The following EPHA3 variants were observed in gnomAD, a reference collection of about 807,000 sequenced individuals.
EPHA3 encodes EPH receptor A3.
EPHA3 carries 42 observed loss-of-function variants against 107.1 expected under a neutral mutation model. The ratio of observed to expected loss-of-function variants is 0.39; its 90% CI spans 0.31 to 0.51. EPHA3 has a LOEUF of 0.51. EPHA3 is among the 20% of genes least tolerant of loss of function. The probability of loss-of-function intolerance (pLI) is 0.78; values close to 1 mark genes in which losing one functional copy is unlikely to be tolerated. For synonymous variants in EPHA3, 461 were observed against 424.8 expected (o/e 1.09, Z -1.05); for missense variants, 1,183 against 1,211.2 (o/e 0.98, Z 0.35).
At chr3:89,415,828 A>G (rs1281654247) in intron 10 of EPHA3, among the ~76,000 whole-genome samples, 1 of 151,452 alleles carries the variant, frequency 6.6e-6, no homozygotes, top group Non-Finnish European at 1.5e-5. Flanking sequence ...TATTATCTCC[A>G]TTTCAGCACG....
At chr3:89,399,897 T>C in intron 7 of EPHA3, 1 of 1,063,538 alleles carries the variant, frequency 9.4e-7, no homozygotes, top group Non-Finnish European at 1.1e-6. Context: ...CCTTAACACA[T>C]TCAATAGCAT....
At chr3:89,314,754 T>G (rs1362334343) in intron 3 of EPHA3, among the ~76,000 whole-genome samples, 1 of 151,986 alleles carries the variant, frequency 6.6e-6, no homozygotes, top group Admixed American at 6.6e-5. Context: ...TGTTACATCA[T>G]GACATCATTT....
At chr3:89,238,114 G>A (rs1323490610) in intron 3 of EPHA3, among the ~76,000 whole-genome samples, 1 of 152,266 alleles carries the variant, frequency 6.6e-6, no homozygotes, top group Admixed American at 6.5e-5. Context: ...TTAGAGAACA[G>A]CAATGATAAC....
chr3:89,329,495 TACGC>T, intron 3 of EPHA3, among the ~76,000 whole-genome samples: 1 of 152,116 alleles, frequency 6.6e-6, no homozygotes, highest in Non-Finnish European at 1.5e-5. Context: ...ATATTTCCAA[TACGC>T]TATTTTCTCA....
At chr3:89,447,308 C>T (rs971202125) in intron 13 of EPHA3, among the ~76,000 whole-genome samples, 9 of 152,246 alleles carry the variant, frequency 5.9e-5, no homozygotes, top group East Asian at 5.8e-4. Context: ...AGGAAGGTTG[C>T]GCTCACTGTG....
chr3:89,183,458 A>G (rs769370275), intron 2 of EPHA3, among the ~76,000 whole-genome samples: 1 of 151,798 alleles, frequency 6.6e-6, no homozygotes, highest in Non-Finnish European at 1.5e-5. Flanking sequence ...AAGATATGTC[A>G]ATATTATCCT....
At chr3:89,449,086 T>C (rs1003542983) in intron 13 of EPHA3, 139 bp from the exon 14 acceptor site, 1 of 738,008 alleles carries the variant, frequency 1.4e-6, no homozygotes, top group Non-Finnish European at 1.9e-6. Flanking sequence ...TAGAATAACA[T>C]CAAAATGTTT....
In EPHA3 at chr3:89,316,477, ATGTGTG is replaced by A. The variant is rs59376338; in HGVS notation, c.815-24417_815-24412del. On this transcript the variant is annotated intron_variant, in intron 3 of 16. Coordinates refer to ENST00000336596, the MANE Select transcript of EPHA3 (RefSeq NM_005233.6). ...CTTTCAGAGTATACACTGTATATAT[ATGTGTG>A]TGTGTGTGTGTGTGTGTGTGTAATA... is the stretch of plus-strand genomic sequence containing the variant. Among the ~76,000 whole-genome samples the A allele has an allele frequency of 3.2e-4, 42 of 130,762 alleles. No homozygotes were observed. In the East Asian group the frequency reaches 5.1e-3, roughly 16 times the overall value. The allele number at this position is 130,762 out of a possible 152,430, so 85.8% of individuals were successfully genotyped here. A position where few individuals can be genotyped will look rare whatever the true frequency, so the allele number is the denominator to read the frequency against.
At chr3:89,433,130 G>A (rs1255356855) in intron 13 of EPHA3, among the ~76,000 whole-genome samples, 1 of 152,072 alleles carries the variant, frequency 6.6e-6, no homozygotes, top group Non-Finnish European at 1.5e-5. Flanking sequence ...ACAAGTATGT[G>A]AGAATTTTTG....
chr3:89,253,061 A>T (rs1343375957), intron 3 of EPHA3, among the ~76,000 whole-genome samples: 1 of 151,930 alleles, frequency 6.6e-6, no homozygotes, highest in Non-Finnish European at 1.5e-5. Flanking sequence ...AGATTTATGC[A>T]TTGACAAGTG....
chr3:89,122,016 G>A (rs1281689052), intron 1 of EPHA3, among the ~76,000 whole-genome samples: 1 of 152,110 alleles, frequency 6.6e-6, no homozygotes, highest in African/African-American at 2.4e-5. Context: ...TTTGACCGGA[G>A]AACTACACAG....
At chr3:89,124,908 C>A (rs984780535) in intron 1 of EPHA3, among the ~76,000 whole-genome samples, 2 of 151,814 alleles carry the variant, frequency 1.3e-5, no homozygotes, top group African/African-American at 4.8e-5. Flanking sequence ...TATGGTCTAA[C>A]CTATTTTGGT....
chr3:89,133,796 G>A, intron 2 of EPHA3, among the ~76,000 whole-genome samples: 1 of 151,980 alleles, frequency 6.6e-6, no homozygotes, highest in East Asian at 1.9e-4. Flanking sequence ...GGCTTCACCG[G>A]GCTTCAGAAA....
chr3:89,409,822 C>T (rs1709124073), intron 9 of EPHA3, among the ~76,000 whole-genome samples: 1 of 152,042 alleles, frequency 6.6e-6, no homozygotes, highest in South Asian at 2.1e-4. Flanking sequence ...ATGTGTTTCA[C>T]CTCCTAAGAT....
chr3:89,395,745 C>T, intron 5 of EPHA3, 92 bp from the exon 6 acceptor site: 1 of 1,446,808 alleles, frequency 6.9e-7, no homozygotes, highest in East Asian at 2.3e-5. Context: ...ACTCCATTTG[C>T]ATGTTCCCTT....
intron 5 of EPHA3, among the ~76,000 whole-genome samples, chr3:89,345,267 G>A (rs1330983188): frequency 6.6e-6 from 1 of 151,066 alleles, no homozygotes. Flanking sequence ...TTTACTACTT[G>A]GATGAACTGA....
At chr3:89,309,462 G>A (rs903641902) in intron 3 of EPHA3, among the ~76,000 whole-genome samples, 1 of 151,924 alleles carries the variant, frequency 6.6e-6, no homozygotes, top group Non-Finnish European at 1.5e-5. Flanking sequence ...TATGGGAGAG[G>A]GAAGGAATAA....
At chr3:89,231,448 AT>A (rs1435645772) in intron 3 of EPHA3, among the ~76,000 whole-genome samples, 1 of 152,178 alleles carries the variant, frequency 6.6e-6, no homozygotes, top group Non-Finnish European at 1.5e-5. Context: ...AGAGAAAGCA[AT>A]TTGTTTGCTA....
chr3:89,248,202 T>C (rs1452460970), intron 3 of EPHA3, among the ~76,000 whole-genome samples: 4 of 152,306 alleles, frequency 2.6e-5, no homozygotes, highest in Admixed American at 2.6e-4. Context: ...CCCATTTTTC[T>C]TTCTGGCACT....
Sources: gnomAD v4.1 joint callset for allele counts (sites outside exome capture counted in the v4.1 genomes callset) on GRCh38, gnomAD v4.1.1 for gene constraint, MANE v1.5 for transcripts, NCBI Gene and HGNC (gene_info 2026-07-23, HGNC 2026-07-21) for gene names.